PPP4R4: variants seen among roughly 807,000 people sequenced by gnomAD.
PPP4R4 encodes the protein serine/threonine-protein phosphatase 4 regulatory subunit 4.
Under a neutral mutation model 121.8 loss-of-function variants are expected in PPP4R4, and 70 were observed. The ratio of observed to expected loss-of-function variants is 0.57; its 90% CI spans 0.47 to 0.70. PPP4R4 has a LOEUF of 0.70. Ranked by LOEUF, PPP4R4 falls within the 30% of genes least tolerant of loss-of-function variation. The probability of loss-of-function intolerance (pLI) is 0.00; values close to 1 mark genes in which losing one functional copy is unlikely to be tolerated. For synonymous variants in PPP4R4, 348 were observed against 355.7 expected (o/e 0.98, Z 0.24); for missense variants, 875 against 1,033.6 (o/e 0.85, Z 2.10).
chr14:94,273,074 A>G (rs932440717), intron 23 of PPP4R4, among the ~76,000 whole-genome samples: 2 of 152,186 alleles, frequency 1.3e-5, no homozygotes, highest in Non-Finnish European at 2.9e-5. Flanking sequence ...ATGGAACATC[A>G]GTTTGGTAGT....
chr14:94,185,553 A>C (rs1464129187), intron 2 of PPP4R4, among the ~76,000 whole-genome samples: 2 of 152,182 alleles, frequency 1.3e-5, no homozygotes, highest in African/African-American at 4.8e-5. Flanking sequence ...TCTTCATTGC[A>C]GGATTGTTGA....
intron 2 of PPP4R4, among the ~76,000 whole-genome samples, chr14:94,181,248 GAGAGAA>G (rs1888974419): frequency 6.6e-6 from 1 of 152,016 alleles, no homozygotes; most frequent in Admixed American, 6.6e-5. Flanking sequence ...GTGTGTGAGA[GAGAGAA>G]AGAGAGAGGA....
intron 2 of PPP4R4, among the ~76,000 whole-genome samples, chr14:94,178,465 A>G (rs1247080524): frequency 1.3e-5 from 2 of 151,324 alleles, no homozygotes; most frequent in Non-Finnish European, 2.9e-5. Context: ...TCAAAGTCAG[A>G]TGTGTAAGCA....
rs140831806 is a variant in PPP4R4 at position 94,248,405 on chromosome 14, T to C, written c.1612-1767T>C. ...TATAAAACACTGCTGAAAGAAATCA[T>C]AGATGACATAAACAAATGGAAAAAC... On this transcript the variant is annotated intron_variant, in intron 14 of 24. Coordinates refer to ENST00000304338, the MANE Select transcript of PPP4R4 (RefSeq NM_058237.2). Among the ~76,000 whole-genome samples the C allele has an allele frequency of 3.1e-4, 47 of 152,282 alleles. 1 individual carries two copies. In the East Asian group the frequency reaches 8.7e-3, roughly 28 times the overall value.
rs777230350 is a variant in PPP4R4 at position 94,241,866 on chromosome 14, A to G, written c.1055A>G (p.Asn352Ser). 3 of 1,610,156 alleles carry G rather than the reference A, an allele frequency of 1.9e-6. No homozygotes were observed. The East Asian group carries it at 6.7e-5, about 36-fold the overall frequency. ...TGTACATTGGGTTTGCAACAAGAAA[A>G]TGGACACAATGAAAACCAGATTCCA... is the stretch of plus-strand genomic sequence containing the variant. ...KLCTLGLQQE[N>S]GHNENQIPPQ... Residue 352 changes from asparagine to serine, a missense_variant, in exon 10 of 25, where the codon AAT becomes AGT. Transcript: ENST00000304338.
chr14:94,244,669 T>C lies in PPP4R4; in HGVS notation c.1301T>C (p.Ile434Thr). ...CTTCTGAATTCTGGAGTATATTTAA[T>C]ACATAAAGAACTAATAACATTATTA... ...SKLLNSGVYL[I>T]HKELITLLQD... Residue 434 changes from isoleucine (I) to threonine (T), a missense_variant, in exon 12 of 25, where the codon ATA becomes ACA. Transcript: ENST00000304338. 3 of 1,495,674 alleles carry C rather than the reference T, an allele frequency of 2.0e-6. No homozygotes were observed. The highest frequency in any genetic ancestry group is 2.7e-6 in the Non-Finnish European group (3 of 1,103,734). 92.7% of individuals were successfully genotyped at this position (1,495,674 alleles called of 1,614,324 possible). A position where few individuals can be genotyped will look rare whatever the true frequency, so the allele number is the denominator to read the frequency against.
intron 2 of PPP4R4, among the ~76,000 whole-genome samples, chr14:94,195,285 C>T (rs1889810783): frequency 1.3e-5 from 2 of 152,180 alleles, no homozygotes; most frequent in Non-Finnish European, 2.9e-5. Context: ...AGTTCCCAGG[C>T]CTAAACAAGA....
Position 94,234,599 on chromosome 14 carries a change from T to G in PPP4R4, c.661T>G (p.Cys221Gly). The change falls in exon 7 of 25, where the codon TGT (cysteine) becomes GGT (glycine). Residue 221 changes from cysteine to glycine, a missense_variant. By Grantham distance (159) the Cys-to-Gly change is radical. Coordinates refer to ENST00000304338, the MANE Select transcript of PPP4R4 (RefSeq NM_058237.2). ...AATACTTCCTCTGGTAAAATCACTC[T>G]GTCAAGATGTAGAATATGAAGTTCG... ...REILPLVKSL[C>G]QDVEYEVRSC... 1 of 1,608,974 alleles carries G rather than the reference T, an allele frequency of 6.2e-7. No individual in the cohort carries two copies.
chr14:94,245,507 T>C, intron 12 of PPP4R4, 80 bp from the exon 13 acceptor site: 1 of 684,142 alleles, frequency 1.5e-6, no homozygotes, highest in Non-Finnish European at 2.3e-6. Context: ...CCACTACTAC[T>C]ATATAGAAAT....
intron 23 of PPP4R4, among the ~76,000 whole-genome samples, chr14:94,269,454 T>A (rs1894208400): frequency 6.6e-6 from 1 of 151,750 alleles, no homozygotes; most frequent in South Asian, 2.1e-4. Flanking sequence ...GGTGGGCAGA[T>A]CATGAGGTCA....
intron 1 of PPP4R4, 63 bp downstream of exon 1, chr14:94,174,645 G>C: frequency 6.3e-7 from 1 of 1,581,360 alleles, no homozygotes. Context: ...GCGGTCCCGC[G>C]CTGATCTCTG....
chr14:94,209,215 G>T (rs1348890394), intron 3 of PPP4R4, among the ~76,000 whole-genome samples: 1 of 151,948 alleles, frequency 6.6e-6, no homozygotes, highest in African/African-American at 2.4e-5. Context: ...ATAAGAACTT[G>T]AATGAATAAA....
chr14:94,221,505 A>G (rs1891387934), intron 3 of PPP4R4, among the ~76,000 whole-genome samples: 1 of 152,120 alleles, frequency 6.6e-6, no homozygotes, highest in African/African-American at 2.4e-5. Context: ...CAATAATAAA[A>G]CAACCCAATT....
At chr14:94,210,119 A>G (rs1446053113) in intron 3 of PPP4R4, among the ~76,000 whole-genome samples, 1 of 151,496 alleles carries the variant, frequency 6.6e-6, no homozygotes, top group Non-Finnish European at 1.5e-5. Flanking sequence ...CATTACTTTT[A>G]AAGCTTATTA....
intron 23 of PPP4R4, among the ~76,000 whole-genome samples, chr14:94,269,855 A>G (rs1044962713): frequency 6.6e-6 from 1 of 152,200 alleles, no homozygotes; most frequent in Non-Finnish European, 1.5e-5. Context: ...GTCACAGCCA[A>G]GGAGAGCCTA....
At chr14:94,225,818 T>G (rs577942529) in intron 3 of PPP4R4, among the ~76,000 whole-genome samples, 1 of 152,196 alleles carries the variant, frequency 6.6e-6, no homozygotes, top group Non-Finnish European at 1.5e-5. Flanking sequence ...TTGAGAGAGA[T>G]TAGGATAGAA....
In PPP4R4 at chr14:94,279,533, G is replaced by A. The variant is rs1336499659; in HGVS notation, c.*890G>A. 6.6e-6 allele frequency: 1 copy of A among 152,486 alleles called. No homozygotes were observed. The highest frequency in any genetic ancestry group is 1.5e-5 in the Non-Finnish European group (1 of 68,020). The allele number at this position is 152,486 out of a possible 1,614,324, so 9.4% of individuals were successfully genotyped here. On this transcript the variant is annotated 3_prime_UTR_variant, in exon 25 of 25. Transcript: ENST00000304338. The stretch of plus-strand genomic sequence containing the variant: ...ACTGTCAGTTCTTGAGATATACCGT[G>A]TGAAGCTATTGTCAGCTTCTCTATT...
intron 19 of PPP4R4, among the ~76,000 whole-genome samples, chr14:94,263,399 C>G (rs564040434): frequency 6.6e-6 from 1 of 152,146 alleles, no homozygotes; most frequent in Non-Finnish European, 1.5e-5. Context: ...CATTCAGCTG[C>G]TGAGCCTATC....
Position 94,211,622 on chromosome 14 carries a change from T to TC in PPP4R4, c.294+3057dup, listed in dbSNP as rs372666242. Among the ~76,000 whole-genome samples, 1,055 of 152,242 alleles carry TC rather than the reference T, an allele frequency of 6.9e-3. 13 individuals are homozygous for TC. The highest frequency in any genetic ancestry group is 0.023 in the African/African-American group (946 of 41,560). On this transcript the variant is annotated intron_variant, in intron 3 of 24. Coordinates refer to ENST00000304338, the MANE Select transcript of PPP4R4 (RefSeq NM_058237.2). ...TTTTCATTCTTAGGACAGTGAAAAG[T>TC]CGTTGAAGTCTTTAAAGCAGGCAGT...
Sources: gnomAD v4.1 joint callset for allele counts (sites outside exome capture counted in the v4.1 genomes callset) on GRCh38, gnomAD v4.1.1 for gene constraint, MANE v1.5 for transcripts, NCBI Gene and HGNC (gene_info 2026-07-23, HGNC 2026-07-21) for gene names.